CNTLN: variants seen among roughly 807,000 people sequenced by gnomAD.
CNTLN encodes centlein, centrosomal protein.
Under a neutral mutation model 180.0 loss-of-function variants are expected in CNTLN, and 212 were observed. The observed-to-expected ratio is 1.18, with a 90% confidence interval of 1.05 to 1.32. The LOEUF is 1.32. CNTLN is among the 40% of genes most tolerant of loss of function. The probability of loss-of-function intolerance (pLI) is 0.00; values close to 1 mark genes in which losing one functional copy is unlikely to be tolerated. For missense variants in CNTLN, 2,095 were observed against 1,610.9 expected, an observed-to-expected ratio of 1.30 and a Z score of -5.14; for synonymous variants, 722 against 563.1, an observed-to-expected ratio of 1.28 and a Z score of -3.99.
At chr9:17,151,237 G>A (rs1460377435) in intron 2 of CNTLN, among the ~76,000 whole-genome samples, 1 of 152,136 alleles carries the variant, frequency 6.6e-6, no homozygotes, top group Non-Finnish European at 1.5e-5. Context: ...TTTTCGAAGG[G>A]AATGCTTTGA....
downstream of CNTLN, among the ~76,000 whole-genome samples, chr9:17,504,551 T>A (rs955019665): frequency 3.3e-5 from 5 of 152,154 alleles, no homozygotes; most frequent in African/African-American, 1.2e-4. Flanking sequence ...AAAGGAAATT[T>A]GCAAATATGA....
chr9:17,336,157 T>C (rs1392904978), intron 10 of CNTLN, among the ~76,000 whole-genome samples: 2 of 152,186 alleles, frequency 1.3e-5, no homozygotes, highest in Admixed American at 1.3e-4. Flanking sequence ...TTGGTGGTAA[T>C]AGTTCCCAAA....
intron 18 of CNTLN, among the ~76,000 whole-genome samples, chr9:17,442,746 A>C (rs775716756): frequency 8.5e-5 from 13 of 152,194 alleles, no homozygotes; most frequent in Non-Finnish European, 1.6e-4. Context: ...GTCACAAAGA[A>C]AATTAGAAAA....
intron 10 of CNTLN, among the ~76,000 whole-genome samples, chr9:17,337,953 C>A (rs1459302857): frequency 6.6e-6 from 1 of 151,980 alleles, no homozygotes; most frequent in Non-Finnish European, 1.5e-5. Context: ...TTAAGAAAGT[C>A]ATTGTAAAAT....
intron 6 of CNTLN, among the ~76,000 whole-genome samples, chr9:17,282,416 G>C (rs1298788569): frequency 1.3e-5 from 2 of 152,052 alleles, no homozygotes; most frequent in Non-Finnish European, 2.9e-5. Context: ...CGTGTCCTTT[G>C]CCCACTTTTT....
intron 19 of CNTLN, among the ~76,000 whole-genome samples, chr9:17,462,033 A>G (rs944403090): frequency 2.6e-5 from 4 of 151,876 alleles, no homozygotes. Flanking sequence ...AGCATTATTA[A>G]TAACTTCAAG....
chr9:17,136,746 A>T (rs1218638373), intron 1 of CNTLN, among the ~76,000 whole-genome samples: 1 of 152,204 alleles, frequency 6.6e-6, no homozygotes, highest in Non-Finnish European at 1.5e-5. Context: ...GACATTTAAT[A>T]TGGTGCCCTC....
chr9:17,352,078 CT>C (rs1822412300), intron 12 of CNTLN, among the ~76,000 whole-genome samples: 1 of 152,040 alleles, frequency 6.6e-6, no homozygotes, highest in East Asian at 1.9e-4. Context: ...AATACAAAAA[CT>C]TTTTTATTTC....
chr9:17,287,496 T>C (rs1829061819), intron 6 of CNTLN, among the ~76,000 whole-genome samples: 1 of 151,296 alleles, frequency 6.6e-6, no homozygotes, highest in Admixed American at 6.6e-5. Context: ...TGCCCGGCTT[T>C]GGTATCAGAA....
At position 17,226,238 on chromosome 9, in the gene CNTLN, T is replaced by C; in HGVS notation, c.485T>C (p.Val162Ala). ...KQKSEAKDRK[V>A]LEILQVKDAK... ...AAATCTGAAGCTAAAGACAGAAAAG[T>C]TCTAGAAATTCTGCAAGTCAAGGAT... The change falls in exon 3 of 26, where the codon GTT becomes GCT. Residue 162 changes from valine to alanine, a missense_variant. By Grantham distance (64) the Val-to-Ala change is moderately conservative. Coordinates refer to ENST00000380647, the MANE Select transcript of CNTLN (RefSeq NM_017738.4). 6.3e-7 allele frequency: 1 copy of C among 1,581,418 alleles called. No individual in the cohort carries two copies. Among genetic ancestry groups the C allele is most frequent in the South Asian group, 1.2e-5 (1 of 84,332 alleles).
chr9:17,277,783 A>C (rs768618807), intron 6 of CNTLN, among the ~76,000 whole-genome samples: 6 of 152,278 alleles, frequency 3.9e-5, no homozygotes, highest in Middle Eastern at 3.4e-3. Flanking sequence ...TATGAAGTGC[A>C]CATATAATGA....
At chr9:17,526,156 C>T in the CNTLN span, among the ~76,000 whole-genome samples, 7 of 152,062 alleles carry the variant, frequency 4.6e-5, no homozygotes, top group South Asian at 4.1e-4. Flanking sequence ...AGGATGGTCT[C>T]GATCTCCTGA....
chr9:17,278,540 C>A (rs1260258488), intron 6 of CNTLN, among the ~76,000 whole-genome samples: 1 of 152,088 alleles, frequency 6.6e-6, no homozygotes, highest in Non-Finnish European at 1.5e-5. Context: ...CTAGCTCTTT[C>A]ATGTTTCTTG....
At position 17,409,579 on chromosome 9, in the gene CNTLN, C is replaced by T. The variant is rs543688930; in HGVS notation, c.2796+106C>T. The T allele has an allele frequency of 2.6e-4, 211 of 800,396 alleles. 3 individuals carry two copies. The South Asian group carries it at 3.5e-3, about 13-fold the overall frequency. 49.6% of individuals were successfully genotyped at this position (800,396 alleles called of 1,614,324 possible). A position where few individuals can be genotyped will look rare whatever the true frequency, so the allele number is the denominator to read the frequency against. ...ACTACTGATTTAATTTGAATTCTTA[C>T]AAGTTAAGTCTTTAAAATATACAGT... On this transcript the variant is annotated intron_variant, in intron 16 of 25. Coordinates refer to ENST00000380647, the MANE Select transcript of CNTLN (RefSeq NM_017738.4).
chr9:17,325,719 C>T (rs1037391356), intron 8 of CNTLN, among the ~76,000 whole-genome samples: 3 of 151,764 alleles, frequency 2.0e-5, no homozygotes, highest in African/African-American at 7.3e-5. Flanking sequence ...GTTTGGAATT[C>T]GTAAATTTCT....
intron 3 of CNTLN, among the ~76,000 whole-genome samples, chr9:17,230,821 C>T (rs1824767289): frequency 6.6e-6 from 1 of 151,948 alleles, no homozygotes; most frequent in African/African-American, 2.4e-5. Context: ...TTTTATGGTT[C>T]CTCTGAGTAC....
intron 18 of CNTLN, among the ~76,000 whole-genome samples, chr9:17,451,292 G>A (rs1036671338): frequency 2.6e-5 from 4 of 152,098 alleles, no homozygotes; most frequent in African/African-American, 7.2e-5. Flanking sequence ...CAGAATTTAT[G>A]TTGTAATTTT....
chr9:17,341,328 TA>T (rs1821466041), intron 11 of CNTLN, among the ~76,000 whole-genome samples: 1 of 152,216 alleles, frequency 6.6e-6, no homozygotes, highest in African/African-American at 2.4e-5. Flanking sequence ...CAAAAGTATT[TA>T]AATTTTAGTG....
intron 5 of CNTLN, among the ~76,000 whole-genome samples, chr9:17,255,335 C>T (rs191998293): frequency 6.6e-6 from 1 of 151,532 alleles, no homozygotes; most frequent in Admixed American, 6.6e-5. Context: ...TTGTATTTGG[C>T]CTTTGTTATG....
Sources: gnomAD v4.1 joint callset for allele counts (sites outside exome capture counted in the v4.1 genomes callset) on GRCh38, gnomAD v4.1.1 for gene constraint, MANE v1.5 for transcripts, NCBI Gene and HGNC (gene_info 2026-07-23, HGNC 2026-07-21) for gene names.